Variants in TBC1D32 observed in about 807,000 individuals in gnomAD.
TBC1D32 encodes the protein protein broad-minded.
TBC1D32 carries 151 observed loss-of-function variants against 170.3 expected under a neutral mutation model. The ratio of observed to expected loss-of-function variants is 0.89; its 90% CI spans 0.78 to 1.01. TBC1D32 has a LOEUF of 1.01. Among genes scored for constraint, TBC1D32 ranks in the 50% least tolerant of loss-of-function variants. The pLI, the probability that TBC1D32 is intolerant of heterozygous loss-of-function variation, is 0.00. For missense variants in TBC1D32, 1,464 were observed against 1,457.1 expected (o/e 1.00, Z -0.08); for synonymous variants, 498 against 488.0 (o/e 1.02, Z -0.27).
chr6:121,321,817 A>C, intron 1 of TBC1D32, 23 bp from the exon 2 acceptor site: 1 of 1,593,490 alleles, frequency 6.3e-7, no homozygotes. Context: ...TTTAGAAAAT[A>C]AATGCGGTAA....
intron 21 of TBC1D32, among the ~76,000 whole-genome samples, chr6:121,207,553 A>G (rs895045516): frequency 9.9e-5 from 15 of 152,202 alleles, no homozygotes; most frequent in African/African-American, 3.6e-4. Flanking sequence ...AGTGAAAAAA[A>G]CAAAACTCCT....
chr6:121,169,592 C>A (rs1437194362), intron 22 of TBC1D32, among the ~76,000 whole-genome samples: 2 of 152,120 alleles, frequency 1.3e-5, no homozygotes. Flanking sequence ...GTGACTTCAA[C>A]AATCATAGTT....
rs73768934 is a variant in TBC1D32, at chr6:121,186,116, T to C, written c.2570+18959A>G. On this transcript the variant is annotated intron_variant, in intron 22 of 31. Transcript: ENST00000398212. ...GAAAGTTGATGGTTTAGAGATCTTA[T>C]TCCAAACTAGAGTACTTCTACTAGA... Among the ~76,000 whole-genome samples the C allele has an allele frequency of 5.9e-3, 903 of 152,286 alleles. 12 individuals are homozygous for C. Among genetic ancestry groups the C allele is most frequent in the African/African-American group, 0.021 (860 of 41,574 alleles).
intron 24 of TBC1D32, among the ~76,000 whole-genome samples, chr6:121,150,870 T>C (rs1784124744): frequency 7.5e-6 from 1 of 133,870 alleles, no homozygotes; most frequent in African/African-American, 2.5e-5. Flanking sequence ...CATTTTTTAT[T>C]GTGTCTATTT....
At chr6:121,153,366 T>C (rs766690124) in intron 24 of TBC1D32, among the ~76,000 whole-genome samples, 1 of 152,170 alleles carries the variant, frequency 6.6e-6, no homozygotes, top group African/African-American at 2.4e-5. Flanking sequence ...TCTTATGGAA[T>C]CTTCGTCCCA....
rs138274730 is a variant in TBC1D32 at position 121,172,506 on chromosome 6, A to G, written c.2571-11450T>C. Among the ~76,000 whole-genome samples, 311 of 152,294 alleles carry G rather than the reference A, an allele frequency of 2.0e-3. 1 individual carries two copies. The highest frequency in any genetic ancestry group is 7.2e-3 in the African/African-American group (300 of 41,560). On this transcript the variant is annotated intron_variant, in intron 22 of 31. Transcript: ENST00000398212. ...CAGCCAAATCTAGGCAGGACTACAA[A>G]TGGCTCAGACCCTTCAGGAATGAAG...
chr6:121,238,225 C>T (rs563364016), intron 20 of TBC1D32, among the ~76,000 whole-genome samples: 1 of 152,198 alleles, frequency 6.6e-6, no homozygotes, highest in South Asian at 2.1e-4. Flanking sequence ...AGATTTCTAT[C>T]AGTGGAGCAC....
chr6:121,264,042 GCAAA>G (rs1317205728), intron 15 of TBC1D32, among the ~76,000 whole-genome samples: 1 of 151,766 alleles, frequency 6.6e-6, no homozygotes, highest in African/African-American at 2.4e-5. Flanking sequence ...CGAATCAAGA[GCAAA>G]CAAATACAAA....
At chr6:121,115,645 T>G (rs1779612680) in intron 26 of TBC1D32, 1 of 153,924 alleles carries the variant, frequency 6.5e-6, no homozygotes, top group Non-Finnish European at 1.4e-5. Context: ...AATCTTTAAG[T>G]AATCAGTGTT....
chr6:121,307,166 G>C (rs1486876116), intron 5 of TBC1D32, among the ~76,000 whole-genome samples: 1 of 151,950 alleles, frequency 6.6e-6, no homozygotes, highest in Non-Finnish European at 1.5e-5. Flanking sequence ...CTTGAGCCCA[G>C]GAGTTCAAGA....
chr6:121,126,525 T>G, intron 25 of TBC1D32, 64 bp from the exon 26 acceptor site: 2 of 1,209,774 alleles, frequency 1.7e-6, no homozygotes, highest in Non-Finnish European at 2.4e-6. Context: ...AATGCATCCT[T>G]AAATCACAGA....
rs1806845045 is a variant in TBC1D32 at position 121,303,748 on chromosome 6, T to C, written c.949A>G (p.Ile317Val). 2 of 1,547,942 alleles carry C rather than the reference T, an allele frequency of 1.3e-6. No homozygotes were observed. Among genetic ancestry groups the C allele is most frequent in the East Asian group, 4.6e-5 (2 of 43,934 alleles). Residue 317 changes from isoleucine to valine, a missense_variant, in exon 9 of 32, where the codon ATT (isoleucine) becomes GTT (valine). Around this residue, in one of 3 missense-constraint regions of TBC1D32, gnomAD observed 1,363 missense variants for 1,338.1 expected, o/e 1.02. Transcript: ENST00000398212. ...IRHPEKYMEE[I>V]VESTLSLLTV... ...AACAAGGACAAAGTACTCTCCACAA[T>C]TTCTTCCATATACCTTAAAGTTTGG...
intron 30 of TBC1D32, among the ~76,000 whole-genome samples, chr6:121,101,369 A>C (rs1445854227): frequency 1.3e-5 from 2 of 152,082 alleles, no homozygotes; most frequent in African/African-American, 2.4e-5. Context: ...TCCAGTAGCA[A>C]ATCAAAAAGT....
intron 15 of TBC1D32, among the ~76,000 whole-genome samples, chr6:121,265,103 AG>A (rs1455376776): frequency 6.6e-6 from 1 of 152,220 alleles, no homozygotes; most frequent in Non-Finnish European, 1.5e-5. Context: ...GTATTCAAAT[AG>A]GAAGAGAGGA....
rs1400150186 is a variant in TBC1D32, at chr6:121,242,217, T to G, written c.2141A>C (p.Tyr714Ser). Reference sequence around the variant, plus strand: ...AATTCATACCTGTAATTTTTTTGCATATCGATTGAATATAAATGTCACACA... The same window carrying G: ...AATTCATACCTGTAATTTTTTTGCAGATCGATTGAATATAAATGTCACACA... ...NECVTFIFNR[Y>S]AKKLQVSRHK... The change falls in exon 18 of 32, where the codon TAT becomes TCT. Residue 714 changes from tyrosine (Y) to serine (S), a missense_variant. By Grantham distance (144) the Tyr-to-Ser change is moderately radical. Around this residue, in one of 3 missense-constraint regions of TBC1D32, gnomAD observed 1,363 missense variants for 1,338.1 expected, o/e 1.02. Transcript: ENST00000398212. The G allele has an allele frequency of 6.2e-7, 1 of 1,611,846 alleles. No homozygotes were observed. Among genetic ancestry groups the G allele is most frequent in the Non-Finnish European group, 8.5e-7 (1 of 1,179,148 alleles).
chr6:121,210,203 G>C (rs1354888457), intron 21 of TBC1D32, among the ~76,000 whole-genome samples: 5 of 151,950 alleles, frequency 3.3e-5, no homozygotes, highest in Non-Finnish European at 7.4e-5. Flanking sequence ...AGAAGAAAAA[G>C]AACTACACAA....
intron 30 of TBC1D32, among the ~76,000 whole-genome samples, chr6:121,097,356 A>G (rs893730804): frequency 2.6e-5 from 4 of 152,158 alleles, no homozygotes; most frequent in African/African-American, 9.7e-5. Context: ...TACAAGAAAA[A>G]ACAACCCCAT....
intron 21 of TBC1D32, among the ~76,000 whole-genome samples, chr6:121,213,380 A>G (rs1793333111): frequency 6.6e-6 from 1 of 151,882 alleles, no homozygotes; most frequent in African/African-American, 2.4e-5. Flanking sequence ...ATGCACAAAA[A>G]TCACTAGCAT....
chr6:121,153,597 G>A (rs186389583), intron 24 of TBC1D32, among the ~76,000 whole-genome samples: 4 of 152,184 alleles, frequency 2.6e-5, no homozygotes, highest in East Asian at 1.9e-4. Context: ...ACCCACAACC[G>A]CCCCTTCCCC....
Sources: allele counts gnomAD v4.1 joint callset (sites outside exome capture counted in the v4.1 genomes callset), GRCh38; gene constraint gnomAD v4.1.1; regional missense constraint gnomAD v4.1.1; transcripts MANE v1.5; gene names NCBI Gene and HGNC (gene_info 2026-07-23, HGNC 2026-07-21).